Variants in ZNF14 observed in about 807,000 individuals in gnomAD.
ZNF14 encodes the protein gonadotropin inducible transcription repressor-4.
In ZNF14, 9 loss-of-function variants were observed where a neutral mutation model predicts 11.3. That is an observed-to-expected ratio of 0.80 (90% confidence interval 0.48 to 1.39). The LOEUF is 1.39. ZNF14 is among the 40% of genes most tolerant of loss of function. The pLI, the probability that ZNF14 is intolerant of heterozygous loss-of-function variation, is 0.00. For missense variants in ZNF14, 711 were observed against 763.9 expected (o/e 0.93, Z 0.82); for synonymous variants, 239 against 245.7 (o/e 0.97, Z 0.25).
rs573777738 is a variant in ZNF14, at chr19:19,714,095, G to A, written c.187C>T (p.Arg63Ter). 3 of 1,612,962 alleles carry A rather than the reference G, an allele frequency of 1.9e-6. No homozygotes were observed. Among genetic ancestry groups the A allele is most frequent in the African/African-American group, 1.3e-5 (1 of 74,992 alleles). The change falls in exon 3 of 4, where the codon CGA (arginine) becomes TGA (stop). Residue 63 changes from arginine (R) to a stop codon, truncating the protein, a stop_gained. Coordinates refer to ENST00000344099, the MANE Select transcript of ZNF14 (RefSeq NM_021030.3). LOFTEE classifies it low-confidence loss of function (END_TRUNC). ...TTTTCTGTGGATGCAACTCACCTTC[G>A]ATTTTTCCCCTGGTTTCTGTGGTCA... ...EDDHRNQGKN[R>*]RCHMVERLCE...
intron 3 of ZNF14, 70 bp downstream of exon 3, chr19:19,714,021 C>G (rs2062370245): frequency 7.2e-7 from 1 of 1,396,996 alleles, no homozygotes; most frequent in Non-Finnish European, 1.0e-6. Context: ...TGAAGCTGTG[C>G]TTAATTGTTT....
intron 1 of ZNF14, among the ~76,000 whole-genome samples, chr19:19,714,707 C>G (rs1399311417): frequency 4.3e-5 from 5 of 115,712 alleles, no homozygotes. Context: ...TTTCCTTTTT[C>G]TTTTTCTTTT....
At chr19:19,715,168 C>T (rs760052738) in intron 1 of ZNF14, among the ~76,000 whole-genome samples, 18 of 152,196 alleles carry the variant, frequency 1.2e-4, no homozygotes, top group Non-Finnish European at 2.1e-4. Context: ...TACCTTATTA[C>T]GTACCATATC....
intron 1 of ZNF14, among the ~76,000 whole-genome samples, chr19:19,721,907 G>A (rs2145100424): frequency 1.3e-5 from 2 of 149,898 alleles, no homozygotes; most frequent in African/African-American, 4.9e-5. Flanking sequence ...AGTATGCAGT[G>A]AGCCAACATT....
Position 19,732,097 on chromosome 19 carries a change from G to A in ZNF14, c.3+859C>T, listed in dbSNP as rs370910091. On this transcript the variant is annotated intron_variant, in intron 1 of 3. Transcript: ENST00000344099. The stretch of plus-strand genomic sequence containing the variant: ...AAAAAAATGCTTACCACTTATATAC[G>A]GAACAAATGACATACAGAGATTTTG... Among the ~76,000 whole-genome samples, 31 of 152,098 alleles carry A rather than the reference G, an allele frequency of 2.0e-4. No individual in the cohort carries two copies. The East Asian group carries it at 6.0e-3, about 29-fold the overall frequency.
In ZNF14 at chr19:19,732,947, C is replaced by T. The variant is rs2062428396; in HGVS notation, c.3+9G>A. 6.2e-7 allele frequency: 1 copy of T among 1,613,688 alleles called. No homozygotes were observed. Among genetic ancestry groups the T allele is most frequent in the African/African-American group, 1.3e-5 (1 of 74,938 alleles). On this transcript the variant is annotated intron_variant, in intron 1 of 3. Transcript: ENST00000344099. The stretch of plus-strand genomic sequence containing the variant: ...AACCTCCCCTCGGACACTGGCCCCG[C>T]ACACTCACCATTTCCCAGCGTCCGG...
rs1414532669 is a variant in ZNF14 at position 19,720,622 on chromosome 19, C to G, written c.4-6135G>C. ...CCTCCCAAAGTGCTGGGATTACAGG[C>G]ATGAGCCACCATGCCCTGCCAGGAA... On this transcript the variant is annotated intron_variant, in intron 1 of 3. Coordinates refer to ENST00000344099, the MANE Select transcript of ZNF14 (RefSeq NM_021030.3). The surrounding 1 kb of genome is among the most constrained non-coding windows in gnomAD (Gnocchi z 4.1). Among the ~76,000 whole-genome samples the G allele has an allele frequency of 2.0e-5, 3 of 152,154 alleles. No homozygotes were observed. The highest frequency in any genetic ancestry group is 4.4e-5 in the Non-Finnish European group (3 of 68,040).
At chr19:19,718,004 C>T (rs145064309) in intron 1 of ZNF14, among the ~76,000 whole-genome samples, 1 of 152,132 alleles carries the variant, frequency 6.6e-6, no homozygotes, top group Non-Finnish European at 1.5e-5. Context: ...AAACAGTAAA[C>T]AGAGACAAAA....
At chr19:19,724,889 G>A (rs1197713156) in intron 1 of ZNF14, among the ~76,000 whole-genome samples, 2 of 132,726 alleles carry the variant, frequency 1.5e-5, no homozygotes, top group African/African-American at 5.6e-5. Context: ...TTTTATCAGA[G>A]ACTAGGATTG....
intron 1 of ZNF14, among the ~76,000 whole-genome samples, chr19:19,730,216 T>C (rs866337797): frequency 3.9e-5 from 6 of 151,954 alleles, no homozygotes; most frequent in South Asian, 2.1e-4. Context: ...TTAGTAGAGA[T>C]GGATTTCACT....
chr19:19,712,363 G>T lies in ZNF14; in HGVS notation c.918C>A (p.Pro306=). 6.2e-7 allele frequency: 1 copy of T among 1,613,064 alleles called. No individual in the cohort carries two copies. Among genetic ancestry groups the T allele is most frequent in the East Asian group, 2.2e-5 (1 of 44,868 alleles). Reference sequence around the variant, plus strand: ...CTTTTCCACATTCTTTACATTCATAGGGTTTCTCTCCACTATGAGTCCTTT... The same window carrying T: ...CTTTTCCACATTCTTTACATTCATATGGTTTCTCTCCACTATGAGTCCTTT... ...RHKRTHSGEK[P]YECKECGKAF... is the part of the protein sequence containing the mutation. The change falls in exon 4 of 4, where the codon CCC becomes CCA. Residue 306 remains proline (P), a synonymous_variant. Coordinates refer to ENST00000344099, the MANE Select transcript of ZNF14 (RefSeq NM_021030.3).
At chr19:19,713,947 CTGAACATCT>C (rs1311784039) in intron 3 of ZNF14, 135 bp downstream of exon 3, 6 of 723,604 alleles carry the variant, frequency 8.3e-6, no homozygotes, top group Non-Finnish European at 1.1e-5. Flanking sequence ...TTTTCACATC[CTGAACATCT>C]ATGATGTTTT....
In ZNF14 at chr19:19,711,095, A is replaced by C. The variant is rs1321502685; in HGVS notation, c.*257T>G. ...CTTGGCCTTTTTTAAAAAAACAAAA[A>C]ACAAAAAACAAAACAGATTTCACTG... On this transcript the variant is annotated 3_prime_UTR_variant, in exon 4 of 4. Coordinates refer to ENST00000344099, the MANE Select transcript of ZNF14 (RefSeq NM_021030.3). The C allele has an allele frequency of 2.5e-6, 1 of 406,160 alleles. No individual in the cohort carries two copies. Among genetic ancestry groups the C allele is most frequent in the Non-Finnish European group, 4.2e-6 (1 of 235,592 alleles). The allele number at this position is 406,160 out of a possible 1,614,324, so 25.2% of individuals were successfully genotyped here.
In ZNF14 at chr19:19,729,140, C is replaced by G. The variant is rs1478932923; in HGVS notation, c.3+3816G>C. Among the ~76,000 whole-genome samples the G allele has an allele frequency of 4.6e-5, 7 of 151,896 alleles. No homozygotes were observed. In the South Asian group the frequency reaches 6.3e-4, roughly 14 times the overall value. ...TAAAGGCACCCACCACCACACCCAG[C>G]TAATTTTTGTATTTTTTAGTAGAGA... On this transcript the variant is annotated intron_variant, in intron 1 of 3. Transcript: ENST00000344099.
Position 19,710,529 on chromosome 19 carries a change from T to C in ZNF14, c.*823A>G, listed in dbSNP as rs2062355637. 1 of 152,232 alleles carries C rather than the reference T, an allele frequency of 6.6e-6. No individual in the cohort carries two copies. The highest frequency in any genetic ancestry group is 1.5e-5 in the Non-Finnish European group (1 of 68,036). The allele number at this position is 152,232 out of a possible 1,614,324, so 9.4% of individuals were successfully genotyped here. A position where few individuals can be genotyped will look rare whatever the true frequency, so the allele number is the denominator to read the frequency against. ...ACATGATACTTTCTTTCTTATTAAA[T>C]ATAACCTGACAATCTTTATTAAATG... On this transcript the variant is annotated 3_prime_UTR_variant, in exon 4 of 4. Transcript: ENST00000344099.
chr19:19,719,505 C>G (rs2062386560), intron 1 of ZNF14, among the ~76,000 whole-genome samples: 1 of 152,148 alleles, frequency 6.6e-6, no homozygotes, highest in Non-Finnish European at 1.5e-5. Context: ...TGAGGTAGTA[C>G]AGTGTTCTTT....
At position 19,712,599 on chromosome 19, in the gene ZNF14, A is replaced by G. The variant is rs768247659; in HGVS notation, c.682T>C (p.Cys228Arg). Residue 228 changes from cysteine to arginine, a missense_variant, in exon 4 of 4, where the codon TGT (cysteine) becomes CGT (arginine). Cys to Arg is a radical substitution (Grantham distance 180, BLOSUM62 -3). Transcript: ENST00000344099. ...TGKKPYECKQ[C>R]GKAFICYQSF... ...TGGTAACATATAAAGGCTTTCCCAC[A>G]CTGTTTACATTCATAGGGTTTCTTT... 1.2e-6 allele frequency: 2 copies of G among 1,613,594 alleles called. No individual in the cohort carries two copies. The highest frequency in any genetic ancestry group is 2.2e-5 in the South Asian group (2 of 90,972).
At chr19:19,717,624 G>A (rs1338269972) in intron 1 of ZNF14, among the ~76,000 whole-genome samples, 5 of 152,148 alleles carry the variant, frequency 3.3e-5, no homozygotes, top group African/African-American at 7.2e-5. Context: ...TGCAAACAAG[G>A]AGGATCCTTT....
chr19:19,732,530 G>C (rs541254058), intron 1 of ZNF14, among the ~76,000 whole-genome samples: 2 of 152,352 alleles, frequency 1.3e-5, no homozygotes, highest in East Asian at 3.9e-4. Flanking sequence ...ACAGGAACCT[G>C]ACCCCGGCAG....
Sources: allele counts gnomAD v4.1 joint callset (sites outside exome capture counted in the v4.1 genomes callset), GRCh38; gene constraint gnomAD v4.1.1; non-coding constraint Gnocchi (gnomAD v3.1); transcripts MANE v1.5; gene names NCBI Gene and HGNC (gene_info 2026-07-23, HGNC 2026-07-21).